Variants in MALRD1 observed in about 807,000 individuals in gnomAD.
MALRD1 encodes MAM and LDL-receptor class A domain-containing protein 1.
Under a neutral mutation model 242.1 loss-of-function variants are expected in MALRD1, and 247 were observed. The observed-to-expected ratio is 1.02, with a 90% CI of 0.92 to 1.13. MALRD1 has a LOEUF of 1.13. Among genes scored for constraint, MALRD1 ranks in the 50% most tolerant of loss-of-function variants. The pLI, the probability that MALRD1 is intolerant of heterozygous loss-of-function variation, is 0.00. For missense variants in MALRD1, 2,989 were observed against 2,533.1 expected, an observed-to-expected ratio of 1.18 and a Z score of -3.86; for synonymous variants, 995 against 866.6, an observed-to-expected ratio of 1.15 and a Z score of -2.60.
intron 19 of MALRD1, among the ~76,000 whole-genome samples, chr10:19,277,602 TAGC>T (rs1342270255): frequency 3.3e-5 from 5 of 152,200 alleles, no homozygotes; most frequent in African/African-American, 1.2e-4. Flanking sequence ...TCACACAGGG[TAGC>T]CTGGAAGACA....
At chr10:19,433,058 G>A (rs974426971) in intron 28 of MALRD1, among the ~76,000 whole-genome samples, 1 of 152,152 alleles carries the variant, frequency 6.6e-6, no homozygotes, top group Non-Finnish European at 1.5e-5. Flanking sequence ...CTTACTATGT[G>A]CAGGGCACTG....
intron 28 of MALRD1, among the ~76,000 whole-genome samples, chr10:19,446,267 T>C (rs1819479): frequency 0.7 from 106,901 of 151,934 alleles, 37,693 homozygotes; most frequent in Non-Finnish European, 0.74. Flanking sequence ...TGCTTCAGCT[T>C]ACACTCTGTG....
intron 10 of MALRD1, among the ~76,000 whole-genome samples, chr10:19,140,573 A>G (rs998026042): frequency 1.0e-4 from 10 of 97,812 alleles, no homozygotes; most frequent in Admixed American, 4.7e-4. Context: ...GTGTGTGTGT[A>G]TAAAATGTAT....
intron 24 of MALRD1, among the ~76,000 whole-genome samples, chr10:19,345,497 G>A (rs539133505): frequency 3.7e-4 from 57 of 152,060 alleles, no homozygotes; most frequent in Admixed American, 1.4e-3. Context: ...TCCTTTGAAA[G>A]GATACTTAGA....
At chr10:19,218,378 A>G (rs1249153457) in intron 18 of MALRD1, among the ~76,000 whole-genome samples, 1 of 152,152 alleles carries the variant, frequency 6.6e-6, no homozygotes, top group Non-Finnish European at 1.5e-5. Flanking sequence ...TACTCTGTTT[A>G]CATATATTAT....
intron 24 of MALRD1, among the ~76,000 whole-genome samples, chr10:19,339,834 G>A (rs1473870993): frequency 1.3e-5 from 2 of 152,116 alleles, no homozygotes. Context: ...TTGAGACTGG[G>A]TAATTTAAAA....
intron 36 of MALRD1, among the ~76,000 whole-genome samples, chr10:19,646,204 G>C (rs1370026309): frequency 6.6e-6 from 1 of 152,070 alleles, no homozygotes; most frequent in Admixed American, 6.6e-5. Context: ...TTGGCATGTA[G>C]GGGCTGCTGG....
chr10:19,214,726 A>C (rs1354486455), intron 18 of MALRD1, among the ~76,000 whole-genome samples: 1 of 152,190 alleles, frequency 6.6e-6, no homozygotes, highest in Non-Finnish European at 1.5e-5. Context: ...CTTAAGAAAA[A>C]TGGGTGCCCT....
chr10:19,204,866 C>A, intron 16 of MALRD1, 32 bp from the exon 17 acceptor site: 1 of 1,504,180 alleles, frequency 6.6e-7, no homozygotes, highest in Non-Finnish European at 8.9e-7. Flanking sequence ...TTCTATAAAT[C>A]ACTTCCATTT....
chr10:19,614,785 C>T (rs906230022), intron 35 of MALRD1, among the ~76,000 whole-genome samples: 8 of 151,960 alleles, frequency 5.3e-5, no homozygotes, highest in East Asian at 1.9e-4. Context: ...GGACCAGGGA[C>T]GAACTTGAGT....
intron 19 of MALRD1, among the ~76,000 whole-genome samples, chr10:19,267,086 G>A (rs1840003116): frequency 6.6e-6 from 1 of 151,990 alleles, no homozygotes; most frequent in Admixed American, 6.5e-5. Context: ...GATTAATAGT[G>A]AGATAGCTAG....
At chr10:19,289,379 A>G (rs1316912493) in intron 21 of MALRD1, among the ~76,000 whole-genome samples, 2 of 152,192 alleles carry the variant, frequency 1.3e-5, no homozygotes, top group Non-Finnish European at 1.5e-5. Flanking sequence ...CTGGTGCATA[A>G]TAGGCCTCAA....
intron 2 of MALRD1, among the ~76,000 whole-genome samples, chr10:19,085,437 A>C (rs1835636905): frequency 6.6e-6 from 1 of 152,034 alleles, no homozygotes; most frequent in Admixed American, 6.6e-5. Flanking sequence ...AAAATTAAAC[A>C]TAGAAAACAG....
intron 14 of MALRD1, among the ~76,000 whole-genome samples, chr10:19,196,672 T>A (rs1049792045): frequency 2.0e-5 from 3 of 152,068 alleles, no homozygotes; most frequent in African/African-American, 7.2e-5. Flanking sequence ...CATGATCACT[T>A]GAATACCTAA....
At chr10:19,682,358 C>A (rs1029873277) in intron 36 of MALRD1, among the ~76,000 whole-genome samples, 1 of 152,162 alleles carries the variant, frequency 6.6e-6, no homozygotes, top group Non-Finnish European at 1.5e-5. Flanking sequence ...TAAGTTATTT[C>A]AAAAACTCCT....
chr10:19,586,450 G>A (rs946120578), intron 33 of MALRD1, among the ~76,000 whole-genome samples: 1 of 152,106 alleles, frequency 6.6e-6, no homozygotes, highest in African/African-American at 2.4e-5. Context: ...TAACGGACAG[G>A]ACCCTCAGCT....
rs570169284 is a variant in MALRD1, at chr10:19,283,227, T to TA, written c.3419+48dup. 899 of 1,365,366 alleles carry TA rather than the reference T, an allele frequency of 6.6e-4. 6 individuals are homozygous for TA. The African/African-American group carries it at 0.012, about 19-fold the overall frequency. 84.6% of individuals were successfully genotyped at this position (1,365,366 alleles called of 1,614,324 possible). A position where few individuals can be genotyped will look rare whatever the true frequency, so the allele number is the denominator to read the frequency against. ...AATATCTCTCTTGGGAAATATTTAT[T>TA]AAGCATCTCCCAAATTTCTGCCCCC... On this transcript the variant is annotated intron_variant, in intron 21 of 39. Transcript: ENST00000454679.
At chr10:19,731,170 A>G (rs180899652) in intron 39 of MALRD1, among the ~76,000 whole-genome samples, 1 of 152,192 alleles carries the variant, frequency 6.6e-6, no homozygotes, top group African/African-American at 2.4e-5. Context: ...AGAGGATAGC[A>G]TTCTATGTTC....
In MALRD1 at chr10:19,219,631, C is replaced by G. The variant is rs75204217; in HGVS notation, c.2991+9951C>G. 6.8e-3 allele frequency among the ~76,000 whole-genome samples: 1,031 copies of G among 152,142 alleles called. 7 individuals are homozygous for G. Among genetic ancestry groups the G allele is most frequent in the Non-Finnish European group, 9.4e-3 (639 of 68,012 alleles). On this transcript the variant is annotated intron_variant, in intron 18 of 39. Coordinates refer to ENST00000454679, the MANE Select transcript of MALRD1 (RefSeq NM_001142308.3). The stretch of plus-strand genomic sequence containing the variant: ...TTAAATTTTTTTATACATATGTTGC[C>G]CAAGCTGGTCTCAAATTCTTGAGCT...
Sources: allele counts gnomAD v4.1 joint callset (sites outside exome capture counted in the v4.1 genomes callset), GRCh38; gene constraint gnomAD v4.1.1; transcripts MANE v1.5; gene names NCBI Gene and HGNC (gene_info 2026-07-23, HGNC 2026-07-21).